The following TMEM150C variants were observed in gnomAD, a reference collection of about 807,000 sequenced individuals.
TMEM150C encodes transmembrane protein 150C, also known as tentonin 3.
In TMEM150C, 10 loss-of-function variants were observed where a neutral mutation model predicts 29.9. That is an observed-to-expected ratio of 0.33 (90% CI 0.21 to 0.57). The LOEUF (loss-of-function observed/expected upper bound fraction) is 0.57. Among genes scored for constraint, TMEM150C ranks in the 20% least tolerant of loss-of-function variants. The pLI, the probability that TMEM150C is intolerant of heterozygous loss-of-function variation, is 0.88. For missense variants in TMEM150C, 251 were observed against 303.6 expected, an observed-to-expected ratio of 0.83 and a Z score of 1.29; for synonymous variants, 101 against 112.5, an observed-to-expected ratio of 0.90 and a Z score of 0.64.
chr4:82,520,482 C>T (rs1560489945), intron 1 of TMEM150C, among the ~76,000 whole-genome samples: 1 of 152,204 alleles, frequency 6.6e-6, no homozygotes. Context: ...CCACACCCCA[C>T]ATTCAATGTG....
intron 1 of TMEM150C, among the ~76,000 whole-genome samples, chr4:82,528,550 C>T (rs1227564632): frequency 6.6e-6 from 1 of 151,536 alleles, no homozygotes; most frequent in Non-Finnish European, 1.5e-5. Flanking sequence ...CTGCCCACAG[C>T]CCCCTCTCTC....
chr4:82,511,819 A>C lies in TMEM150C; in HGVS notation c.-10-7152T>G, dbSNP rs181654027. Among the ~76,000 whole-genome samples, 410 of 152,288 alleles carry C rather than the reference A, an allele frequency of 2.7e-3. 3 individuals carry two copies. Among genetic ancestry groups the C allele is most frequent in the African/African-American group, 9.4e-3 (391 of 41,548 alleles). The stretch of plus-strand genomic sequence containing the variant: ...CCAGAAGGAATTCCCTTCTACCAGC[A>C]CTTCAATTCAATAATACTGTCTTAG... On this transcript the variant is annotated intron_variant, in intron 1 of 7. Coordinates refer to ENST00000449862, the MANE Select transcript of TMEM150C (RefSeq NM_001080506.3).
At chr4:82,516,796 T>G (rs1724308755) in intron 1 of TMEM150C, among the ~76,000 whole-genome samples, 2 of 152,164 alleles carry the variant, frequency 1.3e-5, no homozygotes, top group Non-Finnish European at 2.9e-5. Context: ...GAACAAATCC[T>G]TCAAATAGTC....
chr4:82,551,793 G>A (rs1168831968), intron 1 of TMEM150C, among the ~76,000 whole-genome samples: 1 of 152,080 alleles, frequency 6.6e-6, no homozygotes, highest in Non-Finnish European at 1.5e-5. Context: ...CTGTTTACAT[G>A]GCAGTCACCC....
chr4:82,494,803 T>TTTTTTTA, intron 6 of TMEM150C: 1 of 302,812 alleles, frequency 3.3e-6, no homozygotes, highest in East Asian at 7.5e-5. Flanking sequence ...TTTTTTTTTT[T>TTTTTTTA]GTGAGTCTGA....
In TMEM150C at chr4:82,497,945, T is replaced by C. The variant is rs184532624; in HGVS notation, c.236-1750A>G. Reference sequence around the variant, plus strand: ...AAGCCTAGAGACTCAACACAGGCACTACAGGATATCCTTCTAATAAGTTGT... The same window carrying C: ...AAGCCTAGAGACTCAACACAGGCACCACAGGATATCCTTCTAATAAGTTGT... On this transcript the variant is annotated intron_variant, in intron 5 of 7. Transcript: ENST00000449862. Among the ~76,000 whole-genome samples, 13 of 152,250 alleles carry C rather than the reference T, an allele frequency of 8.5e-5. No homozygotes were observed. In the East Asian group the frequency reaches 1.4e-3, roughly 16 times the overall value.
At chr4:82,516,561 C>T (rs895326045) in intron 1 of TMEM150C, among the ~76,000 whole-genome samples, 2 of 152,184 alleles carry the variant, frequency 1.3e-5, no homozygotes, top group Non-Finnish European at 2.9e-5. Flanking sequence ...AGTTAACATA[C>T]ATAAGACTAT....
chr4:82,489,975 A>T, intron 7 of TMEM150C, 86 bp downstream of exon 7: 1 of 1,343,096 alleles, frequency 7.4e-7, no homozygotes, highest in South Asian at 1.4e-5. Flanking sequence ...CTGGCAGAAT[A>T]TCCTAACCCA....
At chr4:82,524,197 G>A (rs561429685) in intron 1 of TMEM150C, among the ~76,000 whole-genome samples, 7 of 151,906 alleles carry the variant, frequency 4.6e-5, no homozygotes, top group South Asian at 4.1e-4. Flanking sequence ...GAACCCGGGG[G>A]GCGGAGCTTG....
At chr4:82,506,521 C>A (rs1241211258) in intron 1 of TMEM150C, among the ~76,000 whole-genome samples, 1 of 152,196 alleles carries the variant, frequency 6.6e-6, no homozygotes, top group Non-Finnish European at 1.5e-5. Context: ...CCAATACAAT[C>A]CAACTCAAAA....
At chr4:82,523,071 A>C (rs575318617) in intron 1 of TMEM150C, among the ~76,000 whole-genome samples, 1 of 152,302 alleles carries the variant, frequency 6.6e-6, no homozygotes, top group Admixed American at 6.5e-5. Context: ...CAAATGATAC[A>C]GCTTTGATGA....
chr4:82,500,801 T>TA (rs1306364065), intron 5 of TMEM150C, among the ~76,000 whole-genome samples: 1 of 152,232 alleles, frequency 6.6e-6, no homozygotes, highest in East Asian at 1.9e-4. Flanking sequence ...AAGGAAACAA[T>TA]ATGTGGCTTC....
Position 82,504,986 on chromosome 4 carries a change from C to T in TMEM150C, c.-10-319G>A, listed in dbSNP as rs189123167. Among the ~76,000 whole-genome samples, 521 of 152,128 alleles carry T rather than the reference C, an allele frequency of 3.4e-3. 3 individuals are homozygous for T. The highest frequency in any genetic ancestry group is 0.012 in the African/African-American group (499 of 41,516). On this transcript the variant is annotated intron_variant, in intron 1 of 7. Transcript: ENST00000449862. ...CGGAGCTTGCAGTGAGCCGAGATCG[C>T]GCCACTGTACTCCAGCCTGGGCGTC...
chr4:82,491,451 C>A, intron 6 of TMEM150C: 1 of 688,632 alleles, frequency 1.5e-6, no homozygotes, highest in Non-Finnish European at 2.6e-6. Context: ...CCACTGCAAC[C>A]TGATATAGCG....
intron 1 of TMEM150C, among the ~76,000 whole-genome samples, chr4:82,553,806 G>C (rs1196060369): frequency 6.6e-6 from 1 of 152,182 alleles, no homozygotes; most frequent in African/African-American, 2.4e-5. Context: ...GCCACTATTT[G>C]ATCATAACTG....
rs73833115 is a variant in TMEM150C at position 82,544,252 on chromosome 4, C to T, written c.-11+17654G>A. ...TACATGTAGTGTGAGCAGCTAGTCACTATCGCATGACTTGGAGGGTGATAA... is the reference window on the plus strand; with the variant it reads ...TACATGTAGTGTGAGCAGCTAGTCATTATCGCATGACTTGGAGGGTGATAA... On this transcript the variant is annotated intron_variant, in intron 1 of 7. Transcript: ENST00000449862. 9.5e-3 allele frequency among the ~76,000 whole-genome samples: 1,448 copies of T among 152,294 alleles called. 24 individuals carry two copies. Among genetic ancestry groups the T allele is most frequent in the African/African-American group, 0.033 (1,381 of 41,554 alleles).
chr4:82,549,354 C>G (rs1026678950), intron 1 of TMEM150C, among the ~76,000 whole-genome samples: 5 of 152,090 alleles, frequency 3.3e-5, no homozygotes, highest in Non-Finnish European at 7.3e-5. Context: ...GTGAAATAAG[C>G]CAGCCACAAA....
At chr4:82,526,209 TAAA>T (rs775652850) in intron 1 of TMEM150C, among the ~76,000 whole-genome samples, 1 of 152,186 alleles carries the variant, frequency 6.6e-6, no homozygotes, top group African/African-American at 2.4e-5. Context: ...TCACCCAAGA[TAAA>T]AAACTTTGAT....
chr4:82,523,360 G>C (rs971102874), intron 1 of TMEM150C, among the ~76,000 whole-genome samples: 9 of 152,138 alleles, frequency 5.9e-5, no homozygotes, highest in African/African-American at 2.2e-4. Flanking sequence ...GTTTGACTAG[G>C]CATGTCACTT....
Sources: gnomAD v4.1 joint callset for allele counts (sites outside exome capture counted in the v4.1 genomes callset) on GRCh38, gnomAD v4.1.1 for gene constraint, MANE v1.5 for transcripts, NCBI Gene and HGNC (gene_info 2026-07-23, HGNC 2026-07-21) for gene names.